Variants in ZNF804B observed in about 807,000 individuals in gnomAD.
The protein encoded by ZNF804B is zinc finger 804B.
ZNF804B carries 80 observed loss-of-function variants against 101.4 expected under a neutral mutation model. The observed-to-expected ratio is 0.79, with a 90% CI of 0.66 to 0.95. The LOEUF is 0.95. ZNF804B is among the 40% of genes least tolerant of loss of function. The probability of loss-of-function intolerance (pLI) is 0.00; values close to 1 mark genes in which losing one functional copy is unlikely to be tolerated. For missense variants in ZNF804B, 1,673 were observed against 1,561.9 expected (o/e 1.07, Z -1.20); for synonymous variants, 622 against 558.8 (o/e 1.11, Z -1.59).
chr7:89,041,870 C>T (rs1789021969), intron 1 of ZNF804B, among the ~76,000 whole-genome samples: 1 of 152,106 alleles, frequency 6.6e-6, no homozygotes, highest in East Asian at 1.9e-4. Flanking sequence ...GTATTTTTAT[C>T]CATAGATAGT....
At chr7:88,968,322 C>T (rs965617387) in intron 1 of ZNF804B, among the ~76,000 whole-genome samples, 1 of 151,448 alleles carries the variant, frequency 6.6e-6, no homozygotes, top group Non-Finnish European at 1.5e-5. Flanking sequence ...ACATGTTGTA[C>T]CTTCCCTGAT....
intron 2 of ZNF804B, among the ~76,000 whole-genome samples, chr7:89,269,522 A>G (rs1584094055): frequency 1.3e-5 from 2 of 152,318 alleles, no homozygotes; most frequent in South Asian, 4.1e-4. Flanking sequence ...CACAGTAAAC[A>G]TATATGTGCA....
chr7:88,769,925 A>G (rs938570558), intron 1 of ZNF804B, among the ~76,000 whole-genome samples: 1 of 152,190 alleles, frequency 6.6e-6, no homozygotes, highest in Non-Finnish European at 1.5e-5. Flanking sequence ...AATTTTATCT[A>G]AAATATTTAG....
intron 1 of ZNF804B, among the ~76,000 whole-genome samples, chr7:88,857,043 A>G (rs1341236655): frequency 6.6e-6 from 1 of 152,114 alleles, no homozygotes; most frequent in Non-Finnish European, 1.5e-5. Flanking sequence ...ATCCATGTTC[A>G]TCAGGGATTT....
intron 1 of ZNF804B, among the ~76,000 whole-genome samples, chr7:89,003,982 A>G (rs1788332559): frequency 6.7e-6 from 1 of 150,294 alleles, no homozygotes. Context: ...ATAATTGTTT[A>G]TTTAAATTAA....
At chr7:89,044,889 G>A (rs1162598186) in intron 1 of ZNF804B, among the ~76,000 whole-genome samples, 1 of 152,198 alleles carries the variant, frequency 6.6e-6, no homozygotes, top group African/African-American at 2.4e-5. Context: ...GCAGAAATTT[G>A]CATAAGTAAC....
intron 1 of ZNF804B, among the ~76,000 whole-genome samples, chr7:89,127,717 G>C (rs2116374984): frequency 6.6e-6 from 1 of 151,502 alleles, no homozygotes; most frequent in Admixed American, 6.6e-5. Flanking sequence ...ATATAAATCT[G>C]TCTTAAATAT....
intron 2 of ZNF804B, among the ~76,000 whole-genome samples, chr7:89,282,219 A>AAAAT (rs11441615): frequency 2.0e-5 from 3 of 150,502 alleles, no homozygotes; most frequent in African/African-American, 7.3e-5. Context: ...AAAAAAAAAA[A>AAAAT]TGTAACTTAA....
At chr7:89,112,751 T>C (rs1015203055) in intron 1 of ZNF804B, among the ~76,000 whole-genome samples, 14 of 152,222 alleles carry the variant, frequency 9.2e-5, no homozygotes, top group African/African-American at 3.4e-4. Context: ...ATAGTGCTTA[T>C]TTTAAGTAAA....
chr7:89,153,558 G>T (rs1302535569), intron 1 of ZNF804B, among the ~76,000 whole-genome samples: 2 of 146,076 alleles, frequency 1.4e-5, no homozygotes, highest in African/African-American at 5.2e-5. Context: ...TTAGTCTCTA[G>T]AGATATAATA....
intron 1 of ZNF804B, among the ~76,000 whole-genome samples, chr7:88,927,214 C>T (rs950380188): frequency 6.6e-6 from 1 of 151,908 alleles, no homozygotes; most frequent in African/African-American, 2.4e-5. Flanking sequence ...GGAAGAGTGG[C>T]GTTTTAGAAT....
At chr7:89,304,337 C>T (rs962226492) in intron 2 of ZNF804B, among the ~76,000 whole-genome samples, 1 of 151,882 alleles carries the variant, frequency 6.6e-6, no homozygotes, top group Admixed American at 6.6e-5. Context: ...TTAAAAATTA[C>T]CTGCCTTAGT....
intron 1 of ZNF804B, among the ~76,000 whole-genome samples, chr7:88,909,595 C>T (rs1792519676): frequency 6.6e-6 from 1 of 151,826 alleles, no homozygotes. Context: ...AAGTTGTTCA[C>T]CAGTTTGCTT....
At chr7:89,277,654 C>G (rs1026684053) in intron 2 of ZNF804B, among the ~76,000 whole-genome samples, 3 of 151,412 alleles carry the variant, frequency 2.0e-5, no homozygotes, top group Non-Finnish European at 2.9e-5. Context: ...CCAATTTCAT[C>G]CATGTCCCTA....
intron 2 of ZNF804B, among the ~76,000 whole-genome samples, chr7:89,245,797 C>A (rs1789436006): frequency 6.6e-6 from 1 of 152,090 alleles, no homozygotes; most frequent in Admixed American, 6.5e-5. Flanking sequence ...GAGCAAAAAG[C>A]CCCTGTGACA....
At chr7:89,021,836 C>T (rs1466129842) in intron 1 of ZNF804B, among the ~76,000 whole-genome samples, 4 of 152,258 alleles carry the variant, frequency 2.6e-5, no homozygotes, top group East Asian at 1.9e-4. Context: ...TAGGTCCAGT[C>T]TTAAGATTGT....
At chr7:89,044,061 A>C (rs149136464) in intron 1 of ZNF804B, among the ~76,000 whole-genome samples, 2 of 152,214 alleles carry the variant, frequency 1.3e-5, no homozygotes, top group Non-Finnish European at 2.9e-5. Context: ...AGCCAGACAC[A>C]GAAAGACAGA....
intron 1 of ZNF804B, among the ~76,000 whole-genome samples, chr7:88,771,105 A>G (rs895390445): frequency 2.6e-5 from 4 of 152,264 alleles, no homozygotes; most frequent in African/African-American, 9.6e-5. Context: ...TTTCCCTGTC[A>G]TACCATCTAC....
chr7:89,213,498 A>G (rs1788836945), intron 1 of ZNF804B, among the ~76,000 whole-genome samples: 1 of 152,252 alleles, frequency 6.6e-6, no homozygotes, highest in South Asian at 2.1e-4. Flanking sequence ...ATCAGAGCAC[A>G]TATTCACAAC....
Sources: allele counts gnomAD v4.1 joint callset (sites outside exome capture counted in the v4.1 genomes callset), GRCh38; gene constraint gnomAD v4.1.1; transcripts MANE v1.5; gene names NCBI Gene and HGNC (gene_info 2026-07-23, HGNC 2026-07-21).